Variants in ARID1B observed in about 807,000 individuals in gnomAD.
The protein encoded by ARID1B is AT-rich interactive domain-containing protein 1B.
Under a neutral mutation model 212.3 loss-of-function variants are expected in ARID1B, and 30 were observed. That is an observed-to-expected ratio of 0.14 (90% CI 0.11 to 0.19). The LOEUF (loss-of-function observed/expected upper bound fraction) is 0.19, where lower values mean the gene tolerates loss of function less well. Ranked by LOEUF, ARID1B falls within the 10% of genes least tolerant of loss-of-function variation. The probability of loss-of-function intolerance (pLI) is 1.00; values close to 1 mark genes in which losing one functional copy is unlikely to be tolerated. For synonymous variants in ARID1B, 1,402 were observed against 1,301.7 expected, an observed-to-expected ratio of 1.08 and a Z score of -1.66; for missense variants, 2,891 against 3,204.0, an observed-to-expected ratio of 0.90 and a Z score of 2.36.
At chr6:156,953,306 C>T (rs769988986) in intron 4 of ARID1B, among the ~76,000 whole-genome samples, 23 of 152,186 alleles carry the variant, frequency 1.5e-4, no homozygotes, top group Non-Finnish European at 2.5e-4. Context: ...GTGCTTAAAA[C>T]GGTTTTTGAC....
At chr6:156,813,301 A>G (rs1460235783) in intron 1 of ARID1B, among the ~76,000 whole-genome samples, 1 of 146,532 alleles carries the variant, frequency 6.8e-6, no homozygotes, top group Admixed American at 6.9e-5. Context: ...TTTAGTAGAG[A>G]TGGGGCTTCA....
At chr6:157,172,311 C>A (rs1240967647) in intron 9 of ARID1B, among the ~76,000 whole-genome samples, 1 of 152,176 alleles carries the variant, frequency 6.6e-6, no homozygotes, top group East Asian at 1.9e-4. Context: ...TTCACACATT[C>A]ACAAAAATAA....
intron 4 of ARID1B, among the ~76,000 whole-genome samples, chr6:156,954,027 C>T (rs1263137450): frequency 6.6e-6 from 1 of 151,960 alleles, no homozygotes; most frequent in East Asian, 1.9e-4. Context: ...GCATTATTAA[C>T]ACAGGCTTTC....
intron 1 of ARID1B, among the ~76,000 whole-genome samples, chr6:156,805,721 A>T (rs1227409293): frequency 6.6e-6 from 1 of 152,148 alleles, no homozygotes; most frequent in Non-Finnish European, 1.5e-5. Context: ...TTTTAGAGAC[A>T]GTGGAGTGCA....
At chr6:157,198,460 A>G (rs1583495572) in intron 16 of ARID1B, 1 of 238,736 alleles carries the variant, frequency 4.2e-6, no homozygotes, top group Middle Eastern at 1.3e-3. Flanking sequence ...ACTGTACGAC[A>G]CTTCCTAAGG....
chr6:156,861,858 G>A (rs1007216508), intron 2 of ARID1B, among the ~76,000 whole-genome samples: 2 of 152,162 alleles, frequency 1.3e-5, no homozygotes, highest in East Asian at 3.9e-4. Context: ...TGAGTGACAA[G>A]GGAGTGACCC....
At chr6:156,952,970 C>T (rs893598944) in intron 4 of ARID1B, among the ~76,000 whole-genome samples, 1 of 152,140 alleles carries the variant, frequency 6.6e-6, no homozygotes, top group African/African-American at 2.4e-5. Context: ...TATTTCATTA[C>T]CTCTGGGAAA....
At position 156,777,718 on chromosome 6, in the gene ARID1B, C is replaced by CGGCGCG. The variant is rs1157870200; in HGVS notation, c.54_59dup (p.Arg19_Ala20dup). ...GCAGCAGCGGCGGCGGCGGCGGCGG[C>CGGCGCG]GGCGCGGGCGCGGGCGCGGGCAGGC... On this transcript the variant is annotated inframe_insertion, in exon 1 of 20. Transcript: ENST00000636930. 62 of 162,716 alleles carry CGGCGCG rather than the reference C, an allele frequency of 3.8e-4. No individual in the cohort carries two copies. The highest frequency in any genetic ancestry group is 3.0e-3 in the East Asian group (15 of 4,972). The allele number at this position is 162,716 out of a possible 1,614,324, so 10.1% of individuals were successfully genotyped here.
chr6:156,826,346 C>T (rs1583111720), intron 1 of ARID1B, among the ~76,000 whole-genome samples: 1 of 152,346 alleles, frequency 6.6e-6, no homozygotes, highest in Non-Finnish European at 1.5e-5. Context: ...ACACCCTCTT[C>T]TCACCTTGCC....
intron 4 of ARID1B, among the ~76,000 whole-genome samples, chr6:157,045,810 C>T (rs903929691): frequency 6.6e-6 from 1 of 151,938 alleles, no homozygotes; most frequent in African/African-American, 2.4e-5. Flanking sequence ...AAGTTTATTC[C>T]ATACTGTTTC....
chr6:156,996,032 C>T (rs1234206501), intron 4 of ARID1B, among the ~76,000 whole-genome samples: 2 of 152,182 alleles, frequency 1.3e-5, no homozygotes, highest in African/African-American at 4.8e-5. Flanking sequence ...TTTAGCTCCC[C>T]TAAATCTTTA....
chr6:157,140,406 G>A (rs1360214758), intron 7 of ARID1B, among the ~76,000 whole-genome samples: 2 of 151,366 alleles, frequency 1.3e-5, no homozygotes, highest in Admixed American at 6.6e-5. Context: ...GGAGGCGGAG[G>A]TTGCAGTGAG....
At chr6:156,962,454 T>A (rs1180588862) in intron 4 of ARID1B, among the ~76,000 whole-genome samples, 2 of 152,140 alleles carry the variant, frequency 1.3e-5, no homozygotes, top group Non-Finnish European at 2.9e-5. Flanking sequence ...TGTCTATTTC[T>A]TTTCTCTTTT....
chr6:156,926,670 T>G (rs933189735), intron 3 of ARID1B, among the ~76,000 whole-genome samples: 11 of 152,152 alleles, frequency 7.2e-5, no homozygotes, highest in Admixed American at 5.2e-4. Flanking sequence ...CCTTTTATTA[T>G]TTTGAAGTAA....
Position 157,105,641 on chromosome 6 carries a change from G to A in ARID1B, c.2492-4831G>A, listed in dbSNP as rs368297150. ...TTTTGAGATGGAGTCTTGCTCTGTC[G>A]CCCAGGCTGGAGTGCAGTGGTGCAA... is the stretch of plus-strand genomic sequence containing the variant. On this transcript the variant is annotated intron_variant, in intron 5 of 19. Transcript: ENST00000636930. 3.2e-4 allele frequency among the ~76,000 whole-genome samples: 49 copies of A among 152,042 alleles called. No individual in the cohort carries two copies. The South Asian group carries it at 8.5e-3, about 26-fold the overall frequency.
At chr6:157,099,789 GT>G (rs1348970400) in intron 5 of ARID1B, among the ~76,000 whole-genome samples, 2 of 152,170 alleles carry the variant, frequency 1.3e-5, no homozygotes, top group Non-Finnish European at 2.9e-5. Context: ...AATCCGGCAG[GT>G]TTTTGACAGT....
intron 2 of ARID1B, among the ~76,000 whole-genome samples, chr6:156,891,736 T>TC (rs375927292): frequency 2.9e-4 from 44 of 151,762 alleles, no homozygotes; most frequent in South Asian, 2.7e-3. Context: ...CTCTTTTTTT[T>TC]CCCCCCCTCA....
chr6:156,944,946 G>A (rs1384391322), intron 4 of ARID1B, among the ~76,000 whole-genome samples: 5 of 141,608 alleles, frequency 3.5e-5, no homozygotes, highest in African/African-American at 8.1e-5. Context: ...TTTTTGAGAC[G>A]GAGTCTCGCT....
intron 2 of ARID1B, among the ~76,000 whole-genome samples, chr6:156,877,317 T>C (rs920638512): frequency 1.3e-5 from 2 of 152,190 alleles, no homozygotes; most frequent in African/African-American, 4.8e-5. Context: ...CTCTCCAGCC[T>C]GGATCTAAGC....
Sources: gnomAD v4.1 joint callset for allele counts (sites outside exome capture counted in the v4.1 genomes callset) on GRCh38, gnomAD v4.1.1 for gene constraint, MANE v1.5 for transcripts, NCBI Gene and HGNC (gene_info 2026-07-23, HGNC 2026-07-21) for gene names.